Variants in TNFRSF4 observed in about 807,000 individuals in gnomAD.
TNFRSF4 encodes the protein TNF receptor superfamily member 4.
In TNFRSF4, 21 loss-of-function variants were observed where a neutral mutation model predicts 29.5. The observed-to-expected ratio is 0.71, with a 90% CI of 0.51 to 1.03. The LOEUF (loss-of-function observed/expected upper bound fraction) is 1.03. Among genes scored for constraint, TNFRSF4 ranks in the 50% least tolerant of loss-of-function variants. The probability of loss-of-function intolerance (pLI) is 0.00; values close to 1 mark genes in which losing one functional copy is unlikely to be tolerated. For missense variants in TNFRSF4, 408 were observed against 387.8 expected (o/e 1.05, Z -0.44); for synonymous variants, 197 against 172.7 (o/e 1.14, Z -1.10).
rs780762155 is a variant in TNFRSF4, at chr1:1,213,107, G to A, written c.269-14C>T. ...CACTCCCACTTCCTGAGCAGGGGCC[G>A]GATGGGGGGGTGGTCAGGTGGGGGC... On this transcript the variant is annotated splice_polypyrimidine_tract_variant and intron_variant, in intron 2 of 6. Coordinates refer to ENST00000379236, the MANE Select transcript of TNFRSF4 (RefSeq NM_003327.4). 6.2e-6 allele frequency: 10 copies of A among 1,602,164 alleles called. No individual in the cohort carries two copies. Among genetic ancestry groups the A allele is most frequent in the Middle Eastern group, 1.6e-4 (1 of 6,072 alleles).
chr1:1,212,029 G>C lies in TNFRSF4; in HGVS notation c.547C>G (p.Pro183Ala). 6.2e-7 allele frequency: 1 copy of C among 1,611,088 alleles called. No homozygotes were observed. The highest frequency in any genetic ancestry group is 8.5e-7 in the Non-Finnish European group (1 of 1,179,160). The stretch of plus-strand genomic sequence containing the variant: ...GGCTGGACAGTGATGGGCCTGGCCG[G>C]GGGGCCCTGGGTCTCCTGGGGCTGC... ...ATQPQETQGP[P>A]ARPITVQPTE... is the part of the protein sequence containing the mutation. The change falls in exon 5 of 7, where the codon CCG becomes GCG. Residue 183 changes from proline to alanine, a missense_variant. Transcript: ENST00000379236.
chr1:1,213,194 G>A, intron 2 of TNFRSF4, 101 bp from the exon 3 acceptor site: 1 of 1,536,772 alleles, frequency 6.5e-7, no homozygotes, highest in Non-Finnish European at 8.7e-7. Context: ...CCACCACACA[G>A]AGGGCCGTGG....
chr1:1,213,332 A>ACCGCCTCCAG, intron 2 of TNFRSF4: 1 of 1,521,744 alleles, frequency 6.6e-7, no homozygotes, highest in Admixed American at 2.0e-5. Context: ...CTACCCCTCC[A>ACCGCCTCCAG]CCGCCTCCAG....
Position 1,212,098 on chromosome 1 carries a change from T to G in TNFRSF4, c.478A>C (p.Asn160His). ...AGKHTLQPASNSSDAICEDRD... is the reference protein window; with the variant it reads ...AGKHTLQPASHSSDAICEDRD... Reference sequence around the variant, plus strand: ...TCCTCACAGATTGCGTCCGAGCTATTGCTGGCCGGCTGCAGGGTGTGCTTC... The same window carrying G: ...TCCTCACAGATTGCGTCCGAGCTATGGCTGGCCGGCTGCAGGGTGTGCTTC... Residue 160 changes from asparagine (N) to histidine (H), a missense_variant, in exon 5 of 7, where the codon AAT becomes CAT. By Grantham distance (68) the Asn-to-His change is moderately conservative. Transcript: ENST00000379236. 6.2e-7 allele frequency: 1 copy of G among 1,612,610 alleles called. No homozygotes were observed. Among genetic ancestry groups the G allele is most frequent in the South Asian group, 1.1e-5 (1 of 91,032 alleles).
chr1:1,211,856 G>A, intron 5 of TNFRSF4, 24 bp from the exon 6 acceptor site: 1 of 1,524,506 alleles, frequency 6.6e-7, no homozygotes, highest in Non-Finnish European at 8.8e-7. Context: ...TCTGCTGGGT[G>A]GGGTCCACAG....
At chr1:1,211,661 C>T in intron 6 of TNFRSF4, 36 bp from the exon 7 acceptor site, 1 of 1,568,382 alleles carries the variant, frequency 6.4e-7, no homozygotes, top group Non-Finnish European at 8.6e-7. Context: ...GTGGGTGGGC[C>T]TCACCCGCCA....
intron 3 of TNFRSF4, 123 bp from the exon 4 acceptor site, chr1:1,212,827 C>T (rs554796749): frequency 1.0e-4 from 125 of 1,209,460 alleles, no homozygotes; most frequent in Non-Finnish European, 1.4e-4. Flanking sequence ...CCTCTGGAAG[C>T]CCTCCCTGCC....
intron 3 of TNFRSF4, 46 bp downstream of exon 3, chr1:1,212,946 G>A (rs1190146018): frequency 1.3e-6 from 2 of 1,542,004 alleles, no homozygotes; most frequent in African/African-American, 1.4e-5. Context: ...GTCACAGACA[G>A]CCGCTATGCA....
chr1:1,213,302 G>A, intron 2 of TNFRSF4: 2 of 1,525,430 alleles, frequency 1.3e-6, no homozygotes, highest in Non-Finnish European at 1.8e-6. Context: ...TGGTTCCGTG[G>A]CAGCCCCAGC....
chr1:1,211,362 T>C lies in TNFRSF4; in HGVS notation c.*193A>G. On this transcript the variant is annotated 3_prime_UTR_variant, in exon 7 of 7. Transcript: ENST00000379236. ...GACTCCCGTCTGCCAAGGTTTTTAT[T>C]GTGGTCCCGCGGGGCAGGAGGTATG... 2.1e-6 allele frequency: 1 copy of C among 484,812 alleles called. No homozygotes were observed. Among genetic ancestry groups the C allele is most frequent in the East Asian group, 3.5e-5 (1 of 28,430 alleles). The allele number at this position is 484,812 out of a possible 1,614,324, so 30.0% of individuals were successfully genotyped here. A position where few individuals can be genotyped will look rare whatever the true frequency, so the allele number is the denominator to read the frequency against.
chr1:1,212,903 G>T, intron 3 of TNFRSF4, 89 bp downstream of exon 3: 1 of 1,395,398 alleles, frequency 7.2e-7, no homozygotes, highest in Non-Finnish European at 9.6e-7. Context: ...GGCACCGGTG[G>T]GGCCAGGTCC....
chr1:1,214,124 A>G lies in TNFRSF4; in HGVS notation c.4T>C (p.Cys2Arg), dbSNP rs1206687241. 15 of 1,579,334 alleles carry G rather than the reference A, an allele frequency of 9.5e-6. No individual in the cohort carries two copies. The highest frequency in any genetic ancestry group is 1.3e-5 in the Non-Finnish European group (15 of 1,169,200). The change falls in exon 1 of 7, where the codon TGC becomes CGC. Residue 2 changes from cysteine (C) to arginine (R), a missense_variant. Physicochemically the swap from Cys to Arg is radical, Grantham distance 180 (BLOSUM62 -3). Transcript: ENST00000379236. This position sits in a 1 kb window ranked among gnomAD's most constrained non-coding sequence, Gnocchi z 4.2. The part of the protein sequence containing the change: M[C>R]VGARRLGRGP... ...CGGCCCAGCCGCCGAGCCCCCACGC[A>G]CATCCTCGTCTCTGCTGTCGCCAGA...
Position 1,213,104 on chromosome 1 carries a change from G to T in TNFRSF4, c.269-11C>A, listed in dbSNP as rs751106495. The T allele has an allele frequency of 6.2e-7, 1 of 1,604,514 alleles. No homozygotes were observed. The highest frequency in any genetic ancestry group is 8.5e-7 in the Non-Finnish European group (1 of 1,177,264). On this transcript the variant is annotated splice_polypyrimidine_tract_variant and intron_variant, in intron 2 of 6. Transcript: ENST00000379236. ...GCTCACTCCCACTTCCTGAGCAGGG[G>T]CCGGATGGGGGGGTGGTCAGGTGGG...
rs202161001 is a variant in TNFRSF4, at chr1:1,214,122, G to C, written c.6C>G (p.Cys2Trp). M[C>W]VGARRLGRGP... ...CGCGGCCCAGCCGCCGAGCCCCCACGCACATCCTCGTCTCTGCTGTCGCCA... is the reference window on the plus strand; with the variant it reads ...CGCGGCCCAGCCGCCGAGCCCCCACCCACATCCTCGTCTCTGCTGTCGCCA... The change falls in exon 1 of 7, where the codon TGC (cysteine) becomes TGG (tryptophan). Residue 2 changes from cysteine (C) to tryptophan (W), a missense_variant. Transcript: ENST00000379236. The surrounding 1 kb of genome is among the most constrained non-coding windows in gnomAD (Gnocchi z 4.2). 1 of 1,579,510 alleles carries C rather than the reference G, an allele frequency of 6.3e-7. No homozygotes were observed. Among genetic ancestry groups the C allele is most frequent in the East Asian group, 2.3e-5 (1 of 43,912 alleles).
intron 4 of TNFRSF4, 118 bp from the exon 5 acceptor site, chr1:1,212,256 G>A: frequency 8.5e-7 from 1 of 1,173,554 alleles, no homozygotes; most frequent in Non-Finnish European, 1.2e-6. Flanking sequence ...CAGACACCAG[G>A]CCAGTGACAG....
chr1:1,211,957 C>T lies in TNFRSF4; in HGVS notation c.619G>A (p.Val207Met), dbSNP rs201461846. 2,501 of 1,578,222 alleles carry T rather than the reference C, an allele frequency of 1.6e-3. 4 individuals carry two copies. Among genetic ancestry groups the T allele is most frequent in the Non-Finnish European group, 2.0e-3 (2,278 of 1,164,040 alleles). The change falls in exon 5 of 7, where the codon GTG becomes ATG. Residue 207 changes from valine to methionine, a missense_variant. By Grantham distance (21) the Val-to-Met change is conservative. Coordinates refer to ENST00000379236, the MANE Select transcript of TNFRSF4 (RefSeq NM_003327.4). ...GCGCCCTTACCCCCGGGGACCTCCA[C>T]GGGCCGGGTGGAGGGTCCCTGTGAG... ...RTSQGPSTRP[V>M]EVPGGRAVAA...
chr1:1,212,873 G>T, intron 3 of TNFRSF4, 119 bp downstream of exon 3: 1 of 1,301,162 alleles, frequency 7.7e-7, no homozygotes, highest in Non-Finnish European at 1.0e-6. Flanking sequence ...CGGGAGCTCG[G>T]TCTTGAGGAT....
At chr1:1,213,334 C>T (rs745992254) in intron 2 of TNFRSF4, 26 of 1,527,188 alleles carry the variant, frequency 1.7e-5, no homozygotes, top group South Asian at 4.9e-5. Context: ...ACCCCTCCAC[C>T]GCCTCCAGCC....
intron 6 of TNFRSF4, 36 bp downstream of exon 6, chr1:1,211,668 G>A (rs748459052): frequency 3.2e-5 from 50 of 1,576,628 alleles, no homozygotes; most frequent in African/African-American, 6.8e-5. Context: ...GGCCTCACCC[G>A]CCAGGAGCAG....
Sources: allele counts gnomAD v4.1 joint callset, GRCh38; gene constraint gnomAD v4.1.1; non-coding constraint Gnocchi (gnomAD v3.1); transcripts MANE v1.5; gene names NCBI Gene and HGNC (gene_info 2026-07-23, HGNC 2026-07-21).